TBC1D12: variants seen among roughly 807,000 people sequenced by gnomAD.
TBC1D12 encodes the protein TBC1 domain family member 12.
Under a neutral mutation model 86.7 loss-of-function variants are expected in TBC1D12, and 56 were observed. That is an observed-to-expected ratio of 0.65 (90% CI 0.52 to 0.81). The LOEUF (loss-of-function observed/expected upper bound fraction) is 0.81. TBC1D12 is among the 30% of genes least tolerant of loss of function. The probability of loss-of-function intolerance (pLI) is 0.00; values close to 1 mark genes in which losing one functional copy is unlikely to be tolerated. For synonymous variants in TBC1D12, 421 were observed against 411.7 expected, an observed-to-expected ratio of 1.02 and a Z score of -0.27; for missense variants, 1,023 against 1,038.8, an observed-to-expected ratio of 0.98 and a Z score of 0.21.
At chr10:94,484,321 C>T (rs2056127360) in intron 3 of TBC1D12, among the ~76,000 whole-genome samples, 1 of 151,136 alleles carries the variant, frequency 6.6e-6, no homozygotes, top group Non-Finnish European at 1.5e-5. Context: ...ATCTCCGGCT[C>T]ACCGCAACCT....
chr10:94,407,470 T>A (rs1589596154), intron 1 of TBC1D12, among the ~76,000 whole-genome samples: 2 of 152,222 alleles, frequency 1.3e-5, no homozygotes, highest in Non-Finnish European at 1.5e-5. Context: ...TCACCTGAGG[T>A]CAAGAGTTCG....
At chr10:94,470,485 C>T (rs2055887661) in intron 2 of TBC1D12, among the ~76,000 whole-genome samples, 2 of 152,014 alleles carry the variant, frequency 1.3e-5, no homozygotes, top group African/African-American at 4.8e-5. Context: ...ACCTCAGCCT[C>T]CCAAGTAGCT....
chr10:94,465,670 A>ATATATATG (rs1473804309), intron 2 of TBC1D12, among the ~76,000 whole-genome samples: 10 of 137,962 alleles, frequency 7.2e-5, no homozygotes, highest in East Asian at 4.4e-4. Context: ...ATATATATAT[A>ATATATATG]TGTGTGTGTG....
chr10:94,423,535 A>T (rs1014180883), intron 1 of TBC1D12, among the ~76,000 whole-genome samples: 1 of 151,632 alleles, frequency 6.6e-6, no homozygotes, highest in South Asian at 2.1e-4. Context: ...TTTAGTAGAG[A>T]TGGGGTTTCG....
chr10:94,405,094 G>T (rs146715098), intron 1 of TBC1D12, among the ~76,000 whole-genome samples: 1 of 148,406 alleles, frequency 6.7e-6, no homozygotes, highest in Non-Finnish European at 1.5e-5. Context: ...ATTTTGACAC[G>T]CCTTTTTCTT....
intron 11 of TBC1D12, among the ~76,000 whole-genome samples, chr10:94,524,111 A>G (rs552801724): frequency 6.6e-6 from 1 of 152,328 alleles, no homozygotes; most frequent in East Asian, 1.9e-4. Context: ...TAATAGGCAT[A>G]CAGCTCTCCT....
At chr10:94,448,322 T>A (rs112577997) in intron 2 of TBC1D12, among the ~76,000 whole-genome samples, 241 of 152,318 alleles carry the variant, frequency 1.6e-3, no homozygotes, top group African/African-American at 5.5e-3. Context: ...TCTGATTTTA[T>A]TGGTATGTGT....
At chr10:94,496,922 C>G (rs2056328166) in intron 4 of TBC1D12, 133 bp from the exon 5 acceptor site, 4 of 438,608 alleles carry the variant, frequency 9.1e-6, no homozygotes, top group Non-Finnish European at 1.6e-5. Flanking sequence ...GTCCCTCCCT[C>G]CCTTATTTCC....
Position 94,510,199 on chromosome 10 carries a change from TTG to T in TBC1D12, c.1689+22_1689+23del, listed in dbSNP as rs546969010. 2,319 of 1,496,874 alleles carry T rather than the reference TTG, an allele frequency of 1.5e-3. 4 individuals carry two copies. Among genetic ancestry groups the T allele is most frequent in the Middle Eastern group, 4.5e-3 (26 of 5,820 alleles). The allele number at this position is 1,496,874 out of a possible 1,614,324, so 92.7% of individuals were successfully genotyped here. On this transcript the variant is annotated intron_variant, in intron 8 of 12. Coordinates refer to ENST00000225235, the MANE Select transcript of TBC1D12 (RefSeq NM_015188.2). ...CAGAAGGTGAGGGTTTCTAACCAGC[TTG>T]TAATTACTTAAAAAAAATCTATCAA... is the stretch of plus-strand genomic sequence containing the variant.
Position 94,534,255 on chromosome 10 carries a change from A to G in TBC1D12, c.*1159A>G, listed in dbSNP as rs1842500394. Reference sequence around the variant, plus strand: ...CCATCTTAATCTCTTCACATGGTACACTAAATGCTGCCTATAACCCATCCT... The same window carrying G: ...CCATCTTAATCTCTTCACATGGTACGCTAAATGCTGCCTATAACCCATCCT... On this transcript the variant is annotated 3_prime_UTR_variant, in exon 13 of 13. Transcript: ENST00000225235. 2 of 152,300 alleles carry G rather than the reference A, an allele frequency of 1.3e-5. No individual in the cohort carries two copies. The highest frequency in any genetic ancestry group is 2.9e-5 in the Non-Finnish European group (2 of 68,038). The allele number at this position is 152,300 out of a possible 1,614,324, so 9.4% of individuals were successfully genotyped here.
At chr10:94,416,575 C>G (rs1026560707) in intron 1 of TBC1D12, among the ~76,000 whole-genome samples, 22 of 152,114 alleles carry the variant, frequency 1.4e-4, no homozygotes, top group Non-Finnish European at 3.1e-4. Context: ...TTTATTCATT[C>G]AGCAAATTAT....
intron 10 of TBC1D12, 100 bp from the exon 11 acceptor site, chr10:94,522,244 G>A (rs1842171676): frequency 2.7e-6 from 3 of 1,110,168 alleles, no homozygotes; most frequent in Non-Finnish European, 3.7e-6. Flanking sequence ...AAAAAGATGA[G>A]ATTCTTAATG....
intron 1 of TBC1D12, among the ~76,000 whole-genome samples, chr10:94,437,304 T>G (rs2055314715): frequency 6.6e-6 from 1 of 151,788 alleles, no homozygotes; most frequent in South Asian, 2.1e-4. Context: ...ATGTCTTTCC[T>G]CAGATTTGGG....
At chr10:94,511,476 C>G (rs1033305411) in intron 8 of TBC1D12, 107 bp from the exon 9 acceptor site, 1 of 751,588 alleles carries the variant, frequency 1.3e-6, no homozygotes, top group Non-Finnish European at 2.3e-6. Flanking sequence ...ATTAAATATG[C>G]TAAAACTAGT....
intron 2 of TBC1D12, among the ~76,000 whole-genome samples, chr10:94,468,694 A>G (rs1354043285): frequency 1.3e-5 from 2 of 152,136 alleles, no homozygotes; most frequent in African/African-American, 4.8e-5. Context: ...CTTAGAATTT[A>G]TTGAACTTCT....
chr10:94,481,889 T>A lies in TBC1D12; in HGVS notation c.1211+7106T>A, dbSNP rs892327524. ...ACTTTGATACAGGCATGCAAGTGCA[T>A]AATAATCACATCATCGTAAATGAGG... is the stretch of plus-strand genomic sequence containing the variant. On this transcript the variant is annotated intron_variant, in intron 3 of 12. Transcript: ENST00000225235. 2.0e-5 allele frequency among the ~76,000 whole-genome samples: 3 copies of A among 152,220 alleles called. No homozygotes were observed. The South Asian group carries it at 6.2e-4, about 32-fold the overall frequency.
chr10:94,425,518 G>A (rs535416470), intron 1 of TBC1D12, among the ~76,000 whole-genome samples: 5 of 152,228 alleles, frequency 3.3e-5, no homozygotes, highest in South Asian at 4.1e-4. Flanking sequence ...GTGTGAAGTC[G>A]CAGCACTGAA....
chr10:94,508,334 A>C (rs77763702), intron 7 of TBC1D12: 117 of 151,316 alleles, frequency 7.7e-4, no homozygotes, highest in African/African-American at 2.7e-3. Flanking sequence ...GGGTCTCTCT[A>C]TGTTTCCCTG....
intron 1 of TBC1D12, among the ~76,000 whole-genome samples, chr10:94,438,873 A>G (rs112444997): frequency 2.4e-4 from 36 of 151,788 alleles, no homozygotes; most frequent in African/African-American, 8.0e-4. Flanking sequence ...GTGCGATCTC[A>G]GCTCACTGCA....
Sources: gnomAD v4.1 joint callset for allele counts (sites outside exome capture counted in the v4.1 genomes callset) on GRCh38, gnomAD v4.1.1 for gene constraint, MANE v1.5 for transcripts, NCBI Gene and HGNC (gene_info 2026-07-23, HGNC 2026-07-21) for gene names.